The following RPS6KA4 variants were observed in gnomAD, a reference collection of about 807,000 sequenced individuals.
RPS6KA4 encodes ribosomal protein S6 kinase A4.
A neutral mutation model predicts 89.6 loss-of-function variants in RPS6KA4; 38 were observed. That is an observed-to-expected ratio of 0.42 (90% CI 0.33 to 0.56). The LOEUF (loss-of-function observed/expected upper bound fraction) is 0.56. Among genes scored for constraint, RPS6KA4 ranks in the 20% least tolerant of loss-of-function variants. RPS6KA4 has a pLI of 0.07. For synonymous variants in RPS6KA4, 495 were observed against 492.8 expected, an observed-to-expected ratio of 1.00 and a Z score of -0.06; for missense variants, 873 against 1,098.8, an observed-to-expected ratio of 0.79 and a Z score of 2.90.
Position 64,369,821 on chromosome 11 carries a change from C to T in RPS6KA4, c.1725C>T (p.Tyr575=), listed in dbSNP as rs2037008241. 2 of 1,598,004 alleles carry T rather than the reference C, an allele frequency of 1.3e-6. No individual in the cohort carries two copies. Among genetic ancestry groups the T allele is most frequent in the Admixed American group, 1.7e-5 (1 of 57,806 alleles). Residue 575 remains tyrosine (Y), a synonymous_variant, in exon 14 of 17, where the codon TAC becomes TAT. Transcript: ENST00000334205. ...PMQTPCFTLQ[Y]AAPELLAQQG... ...AGACGCCCTGCTTCACGCTGCAGTA[C>T]GCTGCCCCCGAGCTGCTGGCGCAGC...
chr11:64,369,494 G>C lies in RPS6KA4; in HGVS notation c.1477G>C (p.Glu493Gln), dbSNP rs2036993633. Residue 493 changes from glutamate to glutamine, a missense_variant, in exon 13 of 17, where the codon GAG becomes CAG. Physicochemically the swap from Glu to Gln is conservative, Grantham distance 29. Transcript: ENST00000334205. The stretch of plus-strand genomic sequence containing the variant: ...GCTGCTGCGGGGCGGGGAGCTGCTG[G>C]AGCACATCCGCAAGAAGCGGCACTT... ...LELLRGGELL[E>Q]HIRKKRHFSE... is the part of the protein sequence containing the mutation. The C allele has an allele frequency of 6.8e-6, 11 of 1,610,212 alleles. No individual in the cohort carries two copies. Among genetic ancestry groups the C allele is most frequent in the Non-Finnish European group, 8.5e-6 (10 of 1,179,072 alleles).
rs1399442561 is a variant in RPS6KA4, at chr11:64,371,417, C to A, written c.2256C>A (p.Gly752=). ...RRGSPAPANP[G]RAPVASKGAP... ...GCTCCCCTGCACCAGCCAACCCGGGCCGAGCCCCCGTCGCCTCCAAAGGGG... is the reference window on the plus strand; with the variant it reads ...GCTCCCCTGCACCAGCCAACCCGGGACGAGCCCCCGTCGCCTCCAAAGGGG... The change falls in exon 17 of 17, where the codon GGC becomes GGA. Residue 752 remains glycine (G), a synonymous_variant. Coordinates refer to ENST00000334205, the MANE Select transcript of RPS6KA4 (RefSeq NM_003942.3). 7 of 1,607,980 alleles carry A rather than the reference C, an allele frequency of 4.4e-6. No homozygotes were observed. Among genetic ancestry groups the A allele is most frequent in the Non-Finnish European group, 5.9e-6 (7 of 1,177,284 alleles).
intron 9 of RPS6KA4, 42 bp downstream of exon 9, chr11:64,365,507 A>G: frequency 6.2e-7 from 1 of 1,608,070 alleles, no homozygotes; most frequent in Non-Finnish European, 8.5e-7. Context: ...GAGAGATGAG[A>G]TGTTGCTGTC....
intron 9 of RPS6KA4, among the ~76,000 whole-genome samples, chr11:64,366,898 C>T (rs1466005968): frequency 1.3e-5 from 2 of 152,164 alleles, no homozygotes; most frequent in Non-Finnish European, 2.9e-5. Context: ...CCAAGTATGG[C>T]TGGATAAGTC....
Position 64,361,524 on chromosome 11 carries a change from T to A in RPS6KA4, c.626T>A (p.Ile209Asn). The A allele has an allele frequency of 6.2e-7, 1 of 1,613,900 alleles. No individual in the cohort carries two copies. The highest frequency in any genetic ancestry group is 8.5e-7 in the Non-Finnish European group (1 of 1,179,980). ...ATCGAGTACATGGCCCCCGAAATCA[T>A]CCGTAGCAAGACGGGGCATGGCAAG... ...GTIEYMAPEI[I>N]RSKTGHGKAV... The change falls in exon 6 of 17, where the codon ATC becomes AAC. Residue 209 changes from isoleucine (I) to asparagine (N), a missense_variant. Coordinates refer to ENST00000334205, the MANE Select transcript of RPS6KA4 (RefSeq NM_003942.3). The surrounding 1 kb of genome is among the most constrained non-coding windows in gnomAD (Gnocchi z 4.7).
intron 12 of RPS6KA4, 69 bp from the exon 13 acceptor site, chr11:64,369,377 G>T: frequency 6.8e-7 from 1 of 1,476,878 alleles, no homozygotes. Context: ...CGGGGGCGGG[G>T]CCTGGGTGGT....
rs1315014341 is a variant in RPS6KA4, at chr11:64,371,624, G to C, written c.*144G>C. The C allele has an allele frequency of 3.7e-6, 2 of 541,354 alleles. No homozygotes were observed. Among genetic ancestry groups the C allele is most frequent in the African/African-American group, 2.0e-5 (1 of 51,004 alleles). The allele number at this position is 541,354 out of a possible 1,614,324, so 33.5% of individuals were successfully genotyped here. A position where few individuals can be genotyped will look rare whatever the true frequency, so the allele number is the denominator to read the frequency against. ...CCCCACCCCACTCCCAGACAGAGCA[G>C]AAGTATTTTTATAAGCAGAGAATTT... is the stretch of plus-strand genomic sequence containing the variant. On this transcript the variant is annotated 3_prime_UTR_variant, in exon 17 of 17. Coordinates refer to ENST00000334205, the MANE Select transcript of RPS6KA4 (RefSeq NM_003942.3).
At position 64,370,017 on chromosome 11, in the gene RPS6KA4, C is replaced by T; in HGVS notation, c.1797+124C>T. 1.7e-6 allele frequency: 2 copies of T among 1,187,654 alleles called. No individual in the cohort carries two copies. Among genetic ancestry groups the T allele is most frequent in the Non-Finnish European group, 2.3e-6 (2 of 874,966 alleles). 73.6% of individuals were successfully genotyped at this position (1,187,654 alleles called of 1,614,324 possible). The stretch of plus-strand genomic sequence containing the variant: ...GGGGGCGGCTGGGTTTCGTCCGAAG[C>T]TGGGATCGGGGTGGTTCAAATACAG... On this transcript the variant is annotated intron_variant, in intron 14 of 16. Coordinates refer to ENST00000334205, the MANE Select transcript of RPS6KA4 (RefSeq NM_003942.3). The surrounding 1 kb of genome is among the most constrained non-coding windows in gnomAD (Gnocchi z 4.1).
chr11:64,369,410 G>C, intron 12 of RPS6KA4, 36 bp from the exon 13 acceptor site: 1 of 1,541,092 alleles, frequency 6.5e-7, no homozygotes, highest in Non-Finnish European at 8.7e-7. Context: ...GCCGCCGTGG[G>C]TGGGTGTTGA....
intron 9 of RPS6KA4, among the ~76,000 whole-genome samples, chr11:64,367,078 C>T (rs904057141): frequency 5.3e-5 from 8 of 152,088 alleles, no homozygotes; most frequent in Non-Finnish European, 1.0e-4. Flanking sequence ...ATTCCAGGTA[C>T]GGATCTGGGT....
rs987051906 is a variant in RPS6KA4 at position 64,360,053 on chromosome 11, C to A, written c.128-110C>A. 1.2e-5 allele frequency: 12 copies of A among 1,027,862 alleles called. No individual in the cohort carries two copies. In the East Asian group the frequency reaches 3.1e-4, roughly 27 times the overall value. The allele number at this position is 1,027,862 out of a possible 1,614,324, so 63.7% of individuals were successfully genotyped here. On this transcript the variant is annotated intron_variant, in intron 2 of 16. Coordinates refer to ENST00000334205, the MANE Select transcript of RPS6KA4 (RefSeq NM_003942.3). ...TTTGCACACCTGCCTGTTGCCCCAG[C>A]TCCTTCGCCTCATTTGCACACCCTC...
chr11:64,371,667 A>G lies in RPS6KA4; in HGVS notation c.*187A>G. 3 of 503,866 alleles carry G rather than the reference A, an allele frequency of 6.0e-6. No homozygotes were observed. The highest frequency in any genetic ancestry group is 6.8e-5 in the East Asian group (2 of 29,436). The allele number at this position is 503,866 out of a possible 1,614,324, so 31.2% of individuals were successfully genotyped here. ...GAGAATTTTTTATGTCTTACCAGAT[A>G]GAGTTGCAGGGAAGGGGGGGCCTGC... On this transcript the variant is annotated 3_prime_UTR_variant, in exon 17 of 17. Coordinates refer to ENST00000334205, the MANE Select transcript of RPS6KA4 (RefSeq NM_003942.3).
intron 13 of RPS6KA4, 37 bp downstream of exon 13, chr11:64,369,656 G>A (rs763253105): frequency 6.3e-7 from 1 of 1,599,728 alleles, no homozygotes; most frequent in African/African-American, 1.3e-5. Context: ...CGGAGCGGTG[G>A]CGCCGGGGGC....
chr11:64,368,249 G>A lies in RPS6KA4; in HGVS notation c.1189G>A (p.Ala397Thr), dbSNP rs1360811119. ...AGGTCGGGCAGCGGTGGCCAGGAGC[G>A]CTATGATGCAGGTGGGCTGGGCTGG... ...RPGRAAVARS[A>T]MMQDSPFFQQ... The change falls in exon 10 of 17, where the codon GCT (alanine) becomes ACT (threonine). Residue 397 changes from alanine to threonine, a missense_variant. Ala to Thr is a moderately conservative substitution (Grantham distance 58). This residue lies in a region of RPS6KA4 where 542 missense variants were observed against 736.4 expected (regional missense o/e 0.74). Coordinates refer to ENST00000334205, the MANE Select transcript of RPS6KA4 (RefSeq NM_003942.3). 1.2e-6 allele frequency: 2 copies of A among 1,613,366 alleles called. No individual in the cohort carries two copies. The highest frequency in any genetic ancestry group is 1.6e-4 in the Middle Eastern group (1 of 6,062).
At position 64,359,450 on chromosome 11, in the gene RPS6KA4, G is replaced by T; in HGVS notation, c.127+1G>T. The T allele has an allele frequency of 6.2e-7, 1 of 1,613,444 alleles. No homozygotes were observed. Among genetic ancestry groups the T allele is most frequent in the African/African-American group, 1.3e-5 (1 of 75,036 alleles). On this transcript the variant is annotated splice_donor_variant, in intron 2 of 16. Coordinates refer to ENST00000334205, the MANE Select transcript of RPS6KA4 (RefSeq NM_003942.3). LOFTEE classifies it high-confidence loss of function. ...CTGCTCAAGGTGCTGGGCACGGGAG[G>T]TGAGGACCCCCATCCACCGGGCAGG...
chr11:64,369,997 C>A (rs118042145), intron 14 of RPS6KA4, 104 bp downstream of exon 14: 10 of 1,281,560 alleles, frequency 7.8e-6, no homozygotes, highest in Non-Finnish European at 1.0e-5. Context: ...TTGGTGGGGG[C>A]GGCTGGGTTT....
In RPS6KA4 at chr11:64,368,141, T is replaced by C; in HGVS notation, c.1081T>C (p.Phe361Leu). The C allele has an allele frequency of 6.2e-7, 1 of 1,613,574 alleles. No homozygotes were observed. Among genetic ancestry groups the C allele is most frequent in the Non-Finnish European group, 8.5e-7 (1 of 1,179,980 alleles). The change falls in exon 10 of 17, where the codon TTT becomes CTT. Residue 361 changes from phenylalanine (F) to leucine (L), a missense_variant. By Grantham distance (22) the Phe-to-Leu change is conservative. Transcript: ENST00000334205. ...GACTCCCGCCCTGCAGGGATACTCC[T>C]TTGTGGCACCCTCCATTCTCTTTGA... is the stretch of plus-strand genomic sequence containing the variant. ...GDPRIFQGYS[F>L]VAPSILFDHN...
In RPS6KA4 at chr11:64,361,076, G is replaced by A. The variant is rs1186964796; in HGVS notation, c.463-58G>A. On this transcript the variant is annotated intron_variant, in intron 4 of 16. Transcript: ENST00000334205. The surrounding 1 kb of genome is among the most constrained non-coding windows in gnomAD (Gnocchi z 4.7). Reference sequence around the variant, plus strand: ...CTTATCCTGAGCAGGGCCAGGAGCTGGAGGAGCTGGGGAGGGTTTCGGGGA... The same window carrying A: ...CTTATCCTGAGCAGGGCCAGGAGCTAGAGGAGCTGGGGAGGGTTTCGGGGA... 12 of 1,469,204 alleles carry A rather than the reference G, an allele frequency of 8.2e-6. No individual in the cohort carries two copies. In the East Asian group the frequency reaches 2.3e-4, roughly 28 times the overall value. 91.0% of individuals were successfully genotyped at this position (1,469,204 alleles called of 1,614,324 possible).
chr11:64,359,179 CA>C lies in RPS6KA4; in HGVS notation c.-56del. The C allele has an allele frequency of 8.1e-7, 1 of 1,234,662 alleles. No individual in the cohort carries two copies. The highest frequency in any genetic ancestry group is 1.0e-6 in the Non-Finnish European group (1 of 979,888). 76.5% of individuals were successfully genotyped at this position (1,234,662 alleles called of 1,614,324 possible). ...AAGCGCCCGCCCCGGCCGGAGCCGC[CA>C]TGTAACCGGCGCCGCCCGGAGCCCG... On this transcript the variant is annotated 5_prime_UTR_variant, in exon 1 of 17. The change abolishes an upstream ATG in the 5' untranslated region. Transcript: ENST00000334205.
Sources: gnomAD v4.1 joint callset for allele counts (sites outside exome capture counted in the v4.1 genomes callset) on GRCh38, gnomAD v4.1.1 for gene constraint, gnomAD v4.1.1 regional missense constraint, Gnocchi (gnomAD v3.1) non-coding constraint, MANE v1.5 for transcripts, NCBI Gene and HGNC (gene_info 2026-07-23, HGNC 2026-07-21) for gene names.